IQCH: variants seen among roughly 807,000 people sequenced by gnomAD.
The protein encoded by IQCH is IQ domain-containing protein H.
In IQCH, 98 loss-of-function variants were observed where a neutral mutation model predicts 117.0. That is an observed-to-expected ratio of 0.84 (90% confidence interval 0.71 to 0.99). The LOEUF is 0.99. Ranked by LOEUF, IQCH falls within the 50% of genes least tolerant of loss-of-function variation. IQCH has a pLI of 0.00. For missense variants in IQCH, 1,102 were observed against 1,243.8 expected, an observed-to-expected ratio of 0.89 and a Z score of 1.72; for synonymous variants, 412 against 448.2, an observed-to-expected ratio of 0.92 and a Z score of 1.02.
rs141323711 is a variant in IQCH, at chr15:67,295,715, A to T, written c.387+16203A>T. ...GTTTTTGGTCACATATAGACAAATG[A>T]ATCCTAACTAAATGCATCAGTCTTT... is the stretch of plus-strand genomic sequence containing the variant. On this transcript the variant is annotated intron_variant, in intron 4 of 20. Coordinates refer to ENST00000335894, the MANE Select transcript of IQCH (RefSeq NM_001031715.3). Among the ~76,000 whole-genome samples, 207 of 152,316 alleles carry T rather than the reference A, an allele frequency of 1.4e-3. 1 individual carries two copies. The highest frequency in any genetic ancestry group is 4.9e-3 in the African/African-American group (202 of 41,588).
At chr15:67,267,528 A>G (rs971370244) in intron 3 of IQCH, among the ~76,000 whole-genome samples, 1 of 152,198 alleles carries the variant, frequency 6.6e-6, no homozygotes, top group Admixed American at 6.5e-5. Context: ...CCCGGTTGCT[A>G]TGAACGATTG....
At chr15:67,451,129 T>C (rs1567199549) in intron 16 of IQCH, among the ~76,000 whole-genome samples, 1 of 152,226 alleles carries the variant, frequency 6.6e-6, no homozygotes, top group African/African-American at 2.4e-5. Flanking sequence ...TCTTTATTAG[T>C]CTTGCTAGCA....
intron 16 of IQCH, among the ~76,000 whole-genome samples, chr15:67,462,204 G>A (rs960247976): frequency 6.6e-6 from 1 of 151,618 alleles, no homozygotes; most frequent in Admixed American, 6.6e-5. Flanking sequence ...GGCCGAGAGT[G>A]GATCACAAGG....
chr15:67,329,821 TACACACACAC>T (rs35445898), intron 4 of IQCH, among the ~76,000 whole-genome samples: 2 of 148,846 alleles, frequency 1.3e-5, no homozygotes, highest in Non-Finnish European at 3.0e-5. Flanking sequence ...GAGTGAATTA[TACACACACAC>T]ACACACACAC....
At position 67,459,573 on chromosome 15, in the gene IQCH, C is replaced by G. The variant is rs1196974233; in HGVS notation, c.2506-5554C>G. The stretch of plus-strand genomic sequence containing the variant: ...AGACCAGGCTTCTCTCCCACCCCTC[C>G]CCACACAGAAGCATGTTGCTACATT... On this transcript the variant is annotated intron_variant, in intron 16 of 20. Coordinates refer to ENST00000335894, the MANE Select transcript of IQCH (RefSeq NM_001031715.3). This position sits in a 1 kb window ranked among gnomAD's most constrained non-coding sequence, Gnocchi z 4.2. The G allele has an allele frequency of 6.6e-6, 1 of 152,336 alleles. No homozygotes were observed. Among genetic ancestry groups the G allele is most frequent in the Non-Finnish European group, 1.5e-5 (1 of 68,138 alleles). 9.4% of individuals were successfully genotyped at this position (152,336 alleles called of 1,614,324 possible).
intron 1 of IQCH, among the ~76,000 whole-genome samples, chr15:67,257,353 A>T (rs568943199): frequency 6.6e-6 from 1 of 152,312 alleles, no homozygotes; most frequent in East Asian, 1.9e-4. Flanking sequence ...TGTGCAATAG[A>T]CTGTAAAGCA....
intron 16 of IQCH, among the ~76,000 whole-genome samples, chr15:67,461,268 G>GT (rs2141013541): frequency 6.6e-6 from 1 of 152,318 alleles, no homozygotes; most frequent in African/African-American, 2.4e-5. Context: ...GGCCTGGCAC[G>GT]GAGGAGGTGC....
chr15:67,396,446 C>T (rs1971473752), intron 13 of IQCH, among the ~76,000 whole-genome samples: 1 of 152,206 alleles, frequency 6.6e-6, no homozygotes, highest in Non-Finnish European at 1.5e-5. Context: ...TGTGGCTATG[C>T]ATTCTTCCAG....
Position 67,385,485 on chromosome 15 carries a change from A to G in IQCH, c.1456+466A>G, listed in dbSNP as rs182214293. Among the ~76,000 whole-genome samples the G allele has an allele frequency of 1.3e-5, 2 of 152,340 alleles. No homozygotes were observed. The highest frequency in any genetic ancestry group is 6.5e-5 in the Admixed American group (1 of 15,300). ...TTTTAAAAGAAGCTTTTATTTAAAT[A>G]TAGAGCATCTTATTATTAGAAAACG... On this transcript the variant is annotated intron_variant, in intron 11 of 20. Coordinates refer to ENST00000335894, the MANE Select transcript of IQCH (RefSeq NM_001031715.3). The surrounding 1 kb of genome is among the most constrained non-coding windows in gnomAD (Gnocchi z 4.6).
chr15:67,368,358 A>G (rs1311647413), intron 8 of IQCH, among the ~76,000 whole-genome samples: 1 of 152,224 alleles, frequency 6.6e-6, no homozygotes, highest in African/African-American at 2.4e-5. Context: ...GAACAATTCT[A>G]GCCAGCTGAG....
intron 4 of IQCH, chr15:67,304,518 A>C: frequency 3.7e-6 from 3 of 808,900 alleles, no homozygotes; most frequent in Non-Finnish European, 5.8e-6. Flanking sequence ...ATTTATTAGT[A>C]GTGTAAGATG....
At chr15:67,340,410 G>A (rs1969094967) in intron 5 of IQCH, among the ~76,000 whole-genome samples, 1 of 100,754 alleles carries the variant, frequency 9.9e-6, no homozygotes, top group Non-Finnish European at 1.9e-5. Context: ...CTGGGCAACA[G>A]AGAGATACTC....
At chr15:67,352,137 T>C (rs188890765) in intron 6 of IQCH, among the ~76,000 whole-genome samples, 126 of 152,328 alleles carry the variant, frequency 8.3e-4, no homozygotes, top group Middle Eastern at 3.4e-3. Flanking sequence ...ATTCCTTTTA[T>C]ATTCTTATTG....
chr15:67,354,925 A>C (rs1969825923), intron 6 of IQCH, among the ~76,000 whole-genome samples: 1 of 152,108 alleles, frequency 6.6e-6, no homozygotes, highest in Non-Finnish European at 1.5e-5. Flanking sequence ...GATGAAGGGG[A>C]AAATAGTGGT....
At chr15:67,487,104 G>A (rs949170199) in intron 18 of IQCH, among the ~76,000 whole-genome samples, 2 of 152,160 alleles carry the variant, frequency 1.3e-5, no homozygotes, top group East Asian at 1.9e-4. Flanking sequence ...AGGCCAAGGC[G>A]GGTGGATCAC....
intron 18 of IQCH, among the ~76,000 whole-genome samples, chr15:67,485,429 T>G (rs1293706142): frequency 6.6e-6 from 1 of 152,132 alleles, no homozygotes; most frequent in South Asian, 2.1e-4. Context: ...ACATGCAACA[T>G]GGAGGAAACA....
rs371887023 is a variant in IQCH at position 67,474,494 on chromosome 15, A to G, written c.2677-1202A>G. Among the ~76,000 whole-genome samples the G allele has an allele frequency of 1.6e-4, 24 of 152,358 alleles. No individual in the cohort carries two copies. In the East Asian group the frequency reaches 4.6e-3, roughly 29 times the overall value. On this transcript the variant is annotated intron_variant, in intron 17 of 20. Transcript: ENST00000335894. The surrounding 1 kb of genome is among the most constrained non-coding windows in gnomAD (Gnocchi z 4.1). ...TATCACATCTCAAAAAGAACATGCT[A>G]TAAAACTGCCAGGATCCAGTTCTTT...
intron 4 of IQCH, among the ~76,000 whole-genome samples, chr15:67,314,727 G>C (rs573411627): frequency 1.3e-5 from 2 of 152,330 alleles, no homozygotes; most frequent in Non-Finnish European, 2.9e-5. Context: ...TTCCCTCCAG[G>C]AGGTAGCCAC....
rs1053303892 is a variant in IQCH, at chr15:67,387,532, A to G, written c.1457-1299A>G. Among the ~76,000 whole-genome samples, 5 of 152,296 alleles carry G rather than the reference A, an allele frequency of 3.3e-5. No individual in the cohort carries two copies. Among genetic ancestry groups the G allele is most frequent in the Admixed American group, 3.3e-4 (5 of 15,302 alleles). On this transcript the variant is annotated intron_variant, in intron 11 of 20. Coordinates refer to ENST00000335894, the MANE Select transcript of IQCH (RefSeq NM_001031715.3). The surrounding 1 kb of genome is among the most constrained non-coding windows in gnomAD (Gnocchi z 4.8). ...ATTAATAGATTGGAAACAATAGGAT[A>G]GAACCACAGAGAACACTACTTCATG...
Sources: gnomAD v4.1 joint callset for allele counts (sites outside exome capture counted in the v4.1 genomes callset) on GRCh38, gnomAD v4.1.1 for gene constraint, Gnocchi (gnomAD v3.1) non-coding constraint, MANE v1.5 for transcripts, NCBI Gene and HGNC (gene_info 2026-07-23, HGNC 2026-07-21) for gene names.